Variants in EFCAB5 observed in about 807,000 individuals in gnomAD.
EFCAB5 encodes the protein EF-hand calcium-binding domain-containing protein 5.
Under a neutral mutation model 167.9 loss-of-function variants are expected in EFCAB5, and 131 were observed. The ratio of observed to expected loss-of-function variants is 0.78; its 90% CI spans 0.68 to 0.90. The LOEUF (loss-of-function observed/expected upper bound fraction) is 0.90, where lower values mean the gene tolerates loss of function less well. Ranked by LOEUF, EFCAB5 falls within the 40% of genes least tolerant of loss-of-function variation. EFCAB5 has a pLI of 0.00. For synonymous variants in EFCAB5, 574 were observed against 602.8 expected, an observed-to-expected ratio of 0.95 and a Z score of 0.70; for missense variants, 1,663 against 1,745.2, an observed-to-expected ratio of 0.95 and a Z score of 0.84.
intron 7 of EFCAB5, among the ~76,000 whole-genome samples, chr17:30,028,298 C>T (rs2069386249): frequency 6.6e-6 from 1 of 152,198 alleles, no homozygotes; most frequent in Non-Finnish European, 1.5e-5. Flanking sequence ...CTTTAATATA[C>T]TCTAATAAAT....
At chr17:29,934,110 T>C (rs2067225588) in intron 1 of EFCAB5, among the ~76,000 whole-genome samples, 2 of 152,210 alleles carry the variant, frequency 1.3e-5, no homozygotes, top group Admixed American at 6.5e-5. Context: ...TCTGTAAACA[T>C]AACATTTTTT....
At chr17:30,008,547 G>A (rs954866097) in intron 7 of EFCAB5, among the ~76,000 whole-genome samples, 2 of 151,748 alleles carry the variant, frequency 1.3e-5, no homozygotes, top group Admixed American at 6.6e-5. Context: ...CTGAGATCAT[G>A]CCACTGCACT....
intron 20 of EFCAB5, 82 bp downstream of exon 20, chr17:30,090,756 C>T (rs1597562911): frequency 6.7e-7 from 1 of 1,501,122 alleles, no homozygotes; most frequent in Admixed American, 2.2e-5. Context: ...GAAATATGCA[C>T]TTTCTAAAAT....
At chr17:29,946,008 G>A (rs1309532063) in intron 3 of EFCAB5, among the ~76,000 whole-genome samples, 1 of 152,128 alleles carries the variant, frequency 6.6e-6, no homozygotes, top group Non-Finnish European at 1.5e-5. Flanking sequence ...CAACTGAAAA[G>A]CTTCTGTACA....
intron 6 of EFCAB5, among the ~76,000 whole-genome samples, chr17:29,999,590 C>T (rs933762100): frequency 2.6e-5 from 4 of 152,098 alleles, no homozygotes; most frequent in Non-Finnish European, 5.9e-5. Flanking sequence ...TAAGGACCTG[C>T]TAGCATAAAC....
chr17:29,956,275 G>C (rs1387833022), intron 3 of EFCAB5, among the ~76,000 whole-genome samples: 1 of 152,222 alleles, frequency 6.6e-6, no homozygotes, highest in Non-Finnish European at 1.5e-5. Flanking sequence ...AAATTGAACA[G>C]AGTGTAATTG....
chr17:30,053,855 C>T lies in EFCAB5; in HGVS notation c.1901C>T (p.Ala634Val). Reference protein sequence around the residue: ...AEQGSRRMSAAEQGSLRESVI... With the variant: ...AEQGSRRMSAVEQGSLRESVI... Reference sequence around the variant, plus strand: ...CAAGGATCACGCAGAATGTCAGCTGCAGAACAGGGATCACTCAGAGAGTCA... The same window carrying T: ...CAAGGATCACGCAGAATGTCAGCTGTAGAACAGGGATCACTCAGAGAGTCA... Residue 634 changes from alanine to valine, a missense_variant, in exon 10 of 23, where the codon GCA becomes GTA. Ala to Val is a moderately conservative substitution (Grantham distance 64). Coordinates refer to ENST00000394835, the MANE Select transcript of EFCAB5 (RefSeq NM_198529.4). 1.9e-6 allele frequency: 3 copies of T among 1,613,920 alleles called. No homozygotes were observed. Among genetic ancestry groups the T allele is most frequent in the Non-Finnish European group, 2.5e-6 (3 of 1,179,888 alleles).
chr17:29,945,525 A>G (rs1016966516), intron 3 of EFCAB5, among the ~76,000 whole-genome samples: 8 of 152,146 alleles, frequency 5.3e-5, no homozygotes, highest in Non-Finnish European at 1.0e-4. Flanking sequence ...CAGCCTGGGC[A>G]ACACAGCAAG....
chr17:29,957,583 G>T (rs1385308502), intron 3 of EFCAB5, among the ~76,000 whole-genome samples: 1 of 152,084 alleles, frequency 6.6e-6, no homozygotes, highest in Non-Finnish European at 1.5e-5. Flanking sequence ...TGCGGTGTTT[G>T]GTTTTTTGCT....
chr17:29,991,181 G>C (rs1403632383), intron 4 of EFCAB5, among the ~76,000 whole-genome samples: 1 of 152,138 alleles, frequency 6.6e-6, no homozygotes, highest in Non-Finnish European at 1.5e-5. Flanking sequence ...GTGTCCTCCA[G>C]CTTAGTTCCA....
At chr17:30,012,060 G>A (rs981368675) in intron 7 of EFCAB5, among the ~76,000 whole-genome samples, 9 of 152,214 alleles carry the variant, frequency 5.9e-5, no homozygotes, top group African/African-American at 2.2e-4. Context: ...AAGAGTGCGA[G>A]CCTTCTGTTA....
At chr17:29,939,007 A>G (rs556281883), upstream of EFCAB5, among the ~76,000 whole-genome samples, 4 of 152,334 alleles carry the variant, frequency 2.6e-5, no homozygotes, top group South Asian at 8.3e-4. Flanking sequence ...CAAATCCATC[A>G]GAATCATCAC....
At chr17:30,088,260 C>T (rs1339863947) in intron 19 of EFCAB5, among the ~76,000 whole-genome samples, 5 of 152,098 alleles carry the variant, frequency 3.3e-5, no homozygotes, top group Admixed American at 6.5e-5. Flanking sequence ...ATAGCTGGGA[C>T]TACACGTATT....
chr17:30,070,717 A>G (rs562584859), intron 14 of EFCAB5, among the ~76,000 whole-genome samples: 3 of 152,256 alleles, frequency 2.0e-5, no homozygotes, highest in East Asian at 1.9e-4. Flanking sequence ...TGGGAGGCTG[A>G]GGCAGGTGGA....
At chr17:30,066,552 C>T (rs558242072) in intron 14 of EFCAB5, among the ~76,000 whole-genome samples, 5 of 151,952 alleles carry the variant, frequency 3.3e-5, no homozygotes, top group African/African-American at 1.2e-4. Context: ...GAAATAAATG[C>T]TCACATCAAA....
chr17:29,973,767 C>T (rs1186266794), intron 4 of EFCAB5, among the ~76,000 whole-genome samples: 14 of 151,840 alleles, frequency 9.2e-5, no homozygotes, highest in African/African-American at 1.7e-4. Flanking sequence ...TGAGCCACCG[C>T]GCCTGGCCTG....
At chr17:29,971,836 A>G (rs926938136) in intron 4 of EFCAB5, among the ~76,000 whole-genome samples, 1 of 152,192 alleles carries the variant, frequency 6.6e-6, no homozygotes, top group African/African-American at 2.4e-5. Context: ...CTACCTATCA[A>G]TAGTCACCAC....
chr17:29,956,290 A>C (rs1004570711), intron 3 of EFCAB5, among the ~76,000 whole-genome samples: 12 of 152,242 alleles, frequency 7.9e-5, no homozygotes, highest in African/African-American at 2.9e-4. Context: ...TAATTGAACA[A>C]AGAACAATTC....
intron 3 of EFCAB5, among the ~76,000 whole-genome samples, chr17:29,966,731 G>T (rs141531798): frequency 2.4e-4 from 37 of 152,194 alleles, no homozygotes; most frequent in African/African-American, 8.7e-4. Flanking sequence ...TATGCAGTCC[G>T]CACTTAAAGA....
Sources: allele counts gnomAD v4.1 joint callset (sites outside exome capture counted in the v4.1 genomes callset), GRCh38; gene constraint gnomAD v4.1.1; transcripts MANE v1.5; gene names NCBI Gene and HGNC (gene_info 2026-07-23, HGNC 2026-07-21).